The following SCN7A variants were observed in gnomAD, a reference collection of about 807,000 sequenced individuals.
The protein encoded by SCN7A is sodium channel protein type 7 subunit alpha.
In SCN7A, 138 loss-of-function variants were observed where a neutral mutation model predicts 155.2. The observed-to-expected ratio is 0.89, with a 90% CI of 0.77 to 1.02. The LOEUF (loss-of-function observed/expected upper bound fraction) is 1.02, where lower values mean the gene tolerates loss of function less well. Ranked by LOEUF, SCN7A falls within the 50% of genes least tolerant of loss-of-function variation. The pLI is 0.00. For synonymous variants in SCN7A, 693 were observed against 649.0 expected (o/e 1.07, Z -1.03); for missense variants, 2,058 against 1,986.6 (o/e 1.04, Z -0.68).
At chr2:166,463,374 T>C (rs1187457550) in intron 9 of SCN7A, among the ~76,000 whole-genome samples, 1 of 152,168 alleles carries the variant, frequency 6.6e-6, no homozygotes, top group East Asian at 1.9e-4. Flanking sequence ...ATGTTACTTG[T>C]TGTAGTTTTA....
At chr2:166,491,953 C>G (rs1446040313) in intron 1 of SCN7A, among the ~76,000 whole-genome samples, 1 of 152,052 alleles carries the variant, frequency 6.6e-6, no homozygotes, top group African/African-American at 2.4e-5. Context: ...ACACGTATCT[C>G]AACCCAATGA....
At chr2:166,425,368 T>A (rs1326804907) in intron 18 of SCN7A, among the ~76,000 whole-genome samples, 2 of 152,080 alleles carry the variant, frequency 1.3e-5, no homozygotes, top group Non-Finnish European at 2.9e-5. Flanking sequence ...CCTAGAAACA[T>A]GTACTAGCAG....
intron 20 of SCN7A, 134 bp from the exon 21 acceptor site, chr2:166,417,119 A>G (rs1305821574): frequency 1.4e-5 from 9 of 662,522 alleles, no homozygotes; most frequent in Non-Finnish European, 2.3e-5. Flanking sequence ...CTAAAGATTT[A>G]ACAGCCCACA....
chr2:166,428,740 T>C (rs1421742577), intron 17 of SCN7A, among the ~76,000 whole-genome samples: 1 of 152,120 alleles, frequency 6.6e-6, no homozygotes, highest in Non-Finnish European at 1.5e-5. Flanking sequence ...ACATTTTTCA[T>C]GCTGTGAGTA....
Position 166,474,247 on chromosome 2 carries a change from G to A in SCN7A, c.332C>T (p.Thr111Ile). The A allele has an allele frequency of 6.6e-7, 1 of 1,506,224 alleles. No individual in the cohort carries two copies. The highest frequency in any genetic ancestry group is 8.9e-7 in the Non-Finnish European group (1 of 1,118,802). The allele number at this position is 1,506,224 out of a possible 1,614,324, so 93.3% of individuals were successfully genotyped here. The change falls in exon 4 of 26, where the codon ACT becomes ATT. Residue 111 changes from threonine to isoleucine, a missense_variant. Physicochemically the swap from Thr to Ile is moderately conservative, Grantham distance 89 (BLOSUM62 -1). Coordinates refer to ENST00000643258, the MANE Select transcript of SCN7A (RefSeq NM_002976.4). ...LSPFNCIRRT[T>I]IKVLVHPFFQ... Reference sequence around the variant, plus strand: ...ATATGGATGTACCAAAACCTTGATAGTTGTTCTTCTAATACAATTGAAAGG... The same window carrying A: ...ATATGGATGTACCAAAACCTTGATAATTGTTCTTCTAATACAATTGAAAGG...
At chr2:166,492,805 A>T (rs1683142001) in intron 1 of SCN7A, among the ~76,000 whole-genome samples, 1 of 152,246 alleles carries the variant, frequency 6.6e-6, no homozygotes, top group South Asian at 2.1e-4. Flanking sequence ...GTACTTTCAT[A>T]AACCCTTTAT....
intron 10 of SCN7A, 141 bp downstream of exon 10, chr2:166,462,248 G>T: frequency 1.2e-6 from 1 of 866,682 alleles, no homozygotes; most frequent in African/African-American, 1.7e-5. Context: ...TTGACATTCA[G>T]TAATTCTAGT....
chr2:166,484,218 A>G (rs1370914801), intron 2 of SCN7A, among the ~76,000 whole-genome samples: 2 of 151,966 alleles, frequency 1.3e-5, no homozygotes, highest in Non-Finnish European at 2.9e-5. Context: ...GGAAAGCATC[A>G]GCTTAGAAAT....
At position 166,412,924 on chromosome 2, in the gene SCN7A, C is replaced by T. The variant is rs1345878558; in HGVS notation, c.3468+144G>A. ...GGGCCTCAATCATTGTATATAATAACCCTGGAAGAATTTCATTGCCAATGA... is the reference window on the plus strand; with the variant it reads ...GGGCCTCAATCATTGTATATAATAATCCTGGAAGAATTTCATTGCCAATGA... On this transcript the variant is annotated intron_variant, in intron 22 of 25. Transcript: ENST00000643258. 4 of 856,672 alleles carry T rather than the reference C, an allele frequency of 4.7e-6. No homozygotes were observed. In the East Asian group the frequency reaches 1.1e-4, roughly 24 times the overall value. The allele number at this position is 856,672 out of a possible 1,614,324, so 53.1% of individuals were successfully genotyped here.
At chr2:166,460,554 G>A (rs538626456) in intron 10 of SCN7A, among the ~76,000 whole-genome samples, 6 of 152,062 alleles carry the variant, frequency 3.9e-5, no homozygotes, top group African/African-American at 1.4e-4. Flanking sequence ...GTGAACCATA[G>A]CATTCCAGTG....
chr2:166,434,082 T>A (rs1325572267), intron 15 of SCN7A, among the ~76,000 whole-genome samples: 1 of 152,168 alleles, frequency 6.6e-6, no homozygotes, highest in East Asian at 1.9e-4. Flanking sequence ...CTCCAAAGAC[T>A]CATATTTTGA....
chr2:166,443,432 C>A, intron 14 of SCN7A, 71 bp downstream of exon 14: 2 of 1,307,772 alleles, frequency 1.5e-6, no homozygotes, highest in Admixed American at 2.5e-5. Flanking sequence ...ATTACTGTAA[C>A]CCCATTTTAT....
chr2:166,455,987 C>A (rs138952510), intron 11 of SCN7A, among the ~76,000 whole-genome samples: 1 of 152,114 alleles, frequency 6.6e-6, no homozygotes, highest in Non-Finnish European at 1.5e-5. Context: ...GGCACATATA[C>A]ACCATGAAAT....
At chr2:166,445,333 GGAAGGAAGGAAGGAAGGAAA>G (rs1166162622) in intron 12 of SCN7A, among the ~76,000 whole-genome samples, 1 of 146,986 alleles carries the variant, frequency 6.8e-6, no homozygotes, top group East Asian at 2.1e-4. Context: ...AAGGAAAAAA[GGAAGGAAGGAAGGAAGGAAA>G]GAAGGAAGGA....
chr2:166,464,126 A>ATG (rs1222847141), intron 9 of SCN7A, among the ~76,000 whole-genome samples: 1 of 151,212 alleles, frequency 6.6e-6, no homozygotes, highest in Non-Finnish European at 1.5e-5. Flanking sequence ...GTGTATATAT[A>ATG]CGTATATATA....
intron 20 of SCN7A, 95 bp downstream of exon 20, chr2:166,421,095 G>T: frequency 1.3e-6 from 1 of 750,730 alleles, no homozygotes; most frequent in South Asian, 1.8e-5. Context: ...TACTGTTAAA[G>T]GTACAAACGA....
chr2:166,442,391 A>AT (rs974796941), intron 14 of SCN7A, among the ~76,000 whole-genome samples: 14 of 151,058 alleles, frequency 9.3e-5, no homozygotes, highest in South Asian at 4.2e-4. Flanking sequence ...TTTCTTTTCA[A>AT]TTTTTTTTTG....
In SCN7A at chr2:166,416,824, A is replaced by G. The variant is rs1379318367; in HGVS notation, c.3297T>C (p.Ser1099=). The G allele has an allele frequency of 6.2e-7, 1 of 1,613,566 alleles. No individual in the cohort carries two copies. The highest frequency in any genetic ancestry group is 2.2e-5 in the East Asian group (1 of 44,834). Residue 1099 remains serine, a synonymous_variant, in exon 21 of 26, where the codon TCT becomes TCC. Transcript: ENST00000643258. ...DPTSGERFPS[S]EVMNKSRCES... ...CACACCGACTCTTATTCATGACTTC[A>G]GATGAAGGAAACCTTTCTCCACTTG...
intron 18 of SCN7A, among the ~76,000 whole-genome samples, chr2:166,426,039 T>A (rs1439545781): frequency 6.6e-6 from 1 of 152,072 alleles, no homozygotes; most frequent in Admixed American, 6.6e-5. Flanking sequence ...TCAGACCTGA[T>A]GAACAAGAAA....
Sources: allele counts gnomAD v4.1 joint callset (sites outside exome capture counted in the v4.1 genomes callset), GRCh38; gene constraint gnomAD v4.1.1; transcripts MANE v1.5; gene names NCBI Gene and HGNC (gene_info 2026-07-23, HGNC 2026-07-21).